KDM4B: variants seen among roughly 807,000 people sequenced by gnomAD.
The protein encoded by KDM4B is lysine-specific demethylase 4B.
KDM4B carries 32 observed loss-of-function variants against 125.2 expected under a neutral mutation model. The observed-to-expected ratio is 0.26, with a 90% CI of 0.19 to 0.34. The LOEUF (loss-of-function observed/expected upper bound fraction) is 0.34. Ranked by LOEUF, KDM4B falls within the 10% of genes least tolerant of loss-of-function variation. The pLI is 1.00. For missense variants in KDM4B, 1,190 were observed against 1,577.7 expected, an observed-to-expected ratio of 0.75 and a Z score of 4.16; for synonymous variants, 721 against 677.9, an observed-to-expected ratio of 1.06 and a Z score of -0.99.
chr19:5,038,982 A>G (rs1017158471), intron 3 of KDM4B, among the ~76,000 whole-genome samples: 2 of 152,218 alleles, frequency 1.3e-5, no homozygotes, highest in Admixed American at 1.3e-4. Context: ...AGTGGGTCTC[A>G]GCCAAGTGGA....
chr19:5,119,507 CCCCCGGCCT>C, intron 10 of KDM4B, 137 bp from the exon 11 acceptor site: 7 of 826,364 alleles, frequency 8.5e-6, no homozygotes, highest in Non-Finnish European at 1.4e-5. Context: ...GTTCCCTTTA[CCCCCGGCCT>C]CCAGCCAGGA....
At chr19:5,101,746 G>A (rs1240601413) in intron 9 of KDM4B, among the ~76,000 whole-genome samples, 2 of 151,626 alleles carry the variant, frequency 1.3e-5, no homozygotes, top group East Asian at 2.0e-4. Flanking sequence ...GGGGAAGGGC[G>A]GGGAGGGCCT....
intron 22 of KDM4B, 134 bp downstream of exon 22, chr19:5,150,584 G>A (rs1487261529): frequency 3.1e-6 from 2 of 644,714 alleles, no homozygotes; most frequent in Non-Finnish European, 2.7e-6. Flanking sequence ...AGGGGGTCCC[G>A]GCCGCCCCAG....
chr19:5,072,905 C>T (rs2037992427), intron 7 of KDM4B, among the ~76,000 whole-genome samples: 1 of 152,076 alleles, frequency 6.6e-6, no homozygotes, highest in African/African-American at 2.4e-5. Context: ...GGGGAGAACC[C>T]GTTTCTGCCT....
chr19:5,002,176 T>G (rs1243589899), intron 1 of KDM4B, among the ~76,000 whole-genome samples: 1 of 152,150 alleles, frequency 6.6e-6, no homozygotes, highest in Non-Finnish European at 1.5e-5. Context: ...TTTTATATTT[T>G]TAGTAGAGAT....
chr19:5,027,624 T>G (rs2036322100), intron 2 of KDM4B, among the ~76,000 whole-genome samples: 1 of 144,400 alleles, frequency 6.9e-6, no homozygotes, highest in African/African-American at 2.6e-5. Context: ...CACTGCAACC[T>G]CTGCCTCCCG....
chr19:4,977,644 G>A (rs944560126), intron 1 of KDM4B, among the ~76,000 whole-genome samples: 18 of 152,290 alleles, frequency 1.2e-4, no homozygotes, highest in African/African-American at 4.1e-4. Context: ...ATTCAGAATC[G>A]CTCTTTGTGT....
At chr19:4,970,038 TG>T (rs2034199044) in intron 1 of KDM4B, among the ~76,000 whole-genome samples, 1 of 152,014 alleles carries the variant, frequency 6.6e-6, no homozygotes, top group Admixed American at 6.5e-5. Flanking sequence ...CCCTTTTCTG[TG>T]TCCCCCGTGG....
Position 5,088,675 on chromosome 19 carries a change from C to T in KDM4B, c.918+6171C>T, listed in dbSNP as rs955430164. 6.4e-3 allele frequency among the ~76,000 whole-genome samples: 932 copies of T among 146,534 alleles called. 9 individuals are homozygous for T. The highest frequency in any genetic ancestry group is 0.022 in the African/African-American group (863 of 39,256). ...GCCAGGCCCCCCCCCTCCCCCCCCC[C>T]GCAAAAGAGCAGGTTGTGGTTATAG... On this transcript the variant is annotated intron_variant, in intron 9 of 22. Transcript: ENST00000159111.
intron 1 of KDM4B, among the ~76,000 whole-genome samples, chr19:4,990,112 A>C (rs2034985814): frequency 6.6e-6 from 1 of 152,156 alleles, no homozygotes; most frequent in African/African-American, 2.4e-5. Flanking sequence ...CAACATAATG[A>C]GACCCAGTCT....
At chr19:5,022,228 C>T (rs977830711) in intron 2 of KDM4B, among the ~76,000 whole-genome samples, 1 of 152,194 alleles carries the variant, frequency 6.6e-6, no homozygotes, top group Non-Finnish European at 1.5e-5. Flanking sequence ...CCTATGTTCC[C>T]TCTGAGAGTG....
At chr19:4,988,195 C>T (rs959953937) in intron 1 of KDM4B, among the ~76,000 whole-genome samples, 14 of 152,248 alleles carry the variant, frequency 9.2e-5, no homozygotes, top group Non-Finnish European at 1.5e-4. Flanking sequence ...CCTAACCCCA[C>T]GGCCCATGCC....
rs574966063 is a variant in KDM4B, at chr19:5,150,675, T to C, written c.3114+225T>C. On this transcript the variant is annotated intron_variant, in intron 22 of 22. Transcript: ENST00000159111. ...TGCCGCAGCTCCTGGGCGATGCCGT[T>C]AATGTGGGGAGGGAGGGTTGGAGAA... Among the ~76,000 whole-genome samples, 387 of 152,150 alleles carry C rather than the reference T, an allele frequency of 2.5e-3. 2 individuals are homozygous for C. The highest frequency in any genetic ancestry group is 8.8e-3 in the African/African-American group (364 of 41,528).
At chr19:5,030,769 C>T (rs966647409) in intron 2 of KDM4B, among the ~76,000 whole-genome samples, 3 of 152,252 alleles carry the variant, frequency 2.0e-5, no homozygotes, top group South Asian at 2.1e-4. Context: ...TAAGCTCAGT[C>T]GACCATGTCA....
chr19:5,079,743 T>A (rs1667513570), intron 8 of KDM4B, among the ~76,000 whole-genome samples: 1 of 152,252 alleles, frequency 6.6e-6, no homozygotes, highest in African/African-American at 2.4e-5. Flanking sequence ...AACTTTTCTT[T>A]TTTTCTAGAG....
chr19:5,123,318 C>T (rs535725573), intron 11 of KDM4B, among the ~76,000 whole-genome samples: 1 of 152,362 alleles, frequency 6.6e-6, no homozygotes, highest in East Asian at 1.9e-4. Context: ...CAGGTGTCAG[C>T]CGGGCTGGCC....
rs547242374 is a variant in KDM4B, at chr19:5,071,931, A to G, written c.676+872A>G. Among the ~76,000 whole-genome samples, 36 of 152,282 alleles carry G rather than the reference A, an allele frequency of 2.4e-4. 1 individual carries two copies. In the South Asian group the frequency reaches 5.8e-3, roughly 25 times the overall value. ...GCTGCTCAAGAGCTGGCTCCTCCGC[A>G]TTGGCAGGTGGACAGCTTGGGGTGC... On this transcript the variant is annotated intron_variant, in intron 7 of 22. Transcript: ENST00000159111.
At chr19:5,125,614 G>A (rs2039435650) in intron 11 of KDM4B, among the ~76,000 whole-genome samples, 1 of 152,210 alleles carries the variant, frequency 6.6e-6, no homozygotes, top group Non-Finnish European at 1.5e-5. Context: ...CACGGTGCCA[G>A]GAGGCTGGGC....
chr19:5,025,743 C>T (rs1396876231), intron 2 of KDM4B, among the ~76,000 whole-genome samples: 1 of 152,250 alleles, frequency 6.6e-6, no homozygotes, highest in East Asian at 1.9e-4. Flanking sequence ...TCCTCCTGCC[C>T]TGGACCGCCC....
Sources: gnomAD v4.1 joint callset for allele counts (sites outside exome capture counted in the v4.1 genomes callset) on GRCh38, gnomAD v4.1.1 for gene constraint, MANE v1.5 for transcripts, NCBI Gene and HGNC (gene_info 2026-07-23, HGNC 2026-07-21) for gene names.